The following ROBO2 variants were observed in gnomAD, a reference collection of about 807,000 sequenced individuals.
The protein encoded by ROBO2 is roundabout guidance receptor 2, also known as roundabout homolog 2.
ROBO2 carries 53 observed loss-of-function variants against 160.8 expected under a neutral mutation model. The observed-to-expected ratio is 0.33, with a 90% CI of 0.26 to 0.41. ROBO2 has a LOEUF of 0.41. Ranked by LOEUF, ROBO2 falls within the 10% of genes least tolerant of loss-of-function variation. ROBO2 has a pLI of 1.00. For missense variants in ROBO2, 1,577 were observed against 1,722.4 expected (o/e 0.92, Z 1.49); for synonymous variants, 664 against 611.7 (o/e 1.09, Z -1.26).
chr3:77,146,073 G>A (rs776878916), intron 2 of ROBO2, among the ~76,000 whole-genome samples: 1 of 152,166 alleles, frequency 6.6e-6, no homozygotes, highest in Admixed American at 6.5e-5. Context: ...CTCCCAGCCT[G>A]CTGCCATGTC....
At chr3:76,245,040 G>A (rs1705531623) in intron 2 of ROBO2, among the ~76,000 whole-genome samples, 1 of 147,774 alleles carries the variant, frequency 6.8e-6, no homozygotes, top group African/African-American at 2.5e-5. Flanking sequence ...TGTAAATATT[G>A]TCACTCATAA....
chr3:76,704,187 T>A (rs574797163), intron 2 of ROBO2, among the ~76,000 whole-genome samples: 1 of 152,126 alleles, frequency 6.6e-6, no homozygotes, highest in Admixed American at 6.6e-5. Context: ...TGACACAACT[T>A]CTTCCCTCAT....
chr3:76,969,755 G>T (rs2059482184), intron 2 of ROBO2, among the ~76,000 whole-genome samples: 1 of 151,984 alleles, frequency 6.6e-6, no homozygotes, highest in South Asian at 2.1e-4. Flanking sequence ...GTATAACAAA[G>T]AGGACGATTT....
chr3:75,918,419 C>T (rs1946897654), intron 1 of ROBO2, among the ~76,000 whole-genome samples: 1 of 152,138 alleles, frequency 6.6e-6, no homozygotes, highest in Admixed American at 6.6e-5. Context: ...TAGCACCATG[C>T]TGTTTTGGTT....
chr3:76,254,398 A>G (rs1461908371), intron 2 of ROBO2, among the ~76,000 whole-genome samples: 1 of 152,100 alleles, frequency 6.6e-6, no homozygotes, highest in African/African-American at 2.4e-5. Flanking sequence ...ACACTCCACT[A>G]ATAACTTTTT....
intron 2 of ROBO2, among the ~76,000 whole-genome samples, chr3:76,154,893 C>A (rs1364055478): frequency 6.6e-6 from 1 of 152,060 alleles, no homozygotes; most frequent in Admixed American, 6.6e-5. Flanking sequence ...TGAATTTCTA[C>A]TTTCTGGACA....
intron 2 of ROBO2, among the ~76,000 whole-genome samples, chr3:77,318,384 C>T (rs965452285): frequency 1.3e-5 from 2 of 152,156 alleles, no homozygotes; most frequent in Admixed American, 1.3e-4. Context: ...CAATTCTCAA[C>T]TTCTATTAAT....
intron 2 of ROBO2, among the ~76,000 whole-genome samples, chr3:77,358,230 C>A (rs1281334833): frequency 6.6e-6 from 1 of 152,146 alleles, no homozygotes; most frequent in Non-Finnish European, 1.5e-5. Context: ...TCTTTCCATG[C>A]CTTTTCCTAG....
chr3:76,114,959 C>T (rs950756251), intron 2 of ROBO2, among the ~76,000 whole-genome samples: 1 of 152,028 alleles, frequency 6.6e-6, no homozygotes, highest in African/African-American at 2.4e-5. Flanking sequence ...TTTCATGTGG[C>T]TGATTAAGAT....
chr3:76,243,030 T>C (rs2107522896), intron 2 of ROBO2, among the ~76,000 whole-genome samples: 1 of 152,286 alleles, frequency 6.6e-6, no homozygotes, highest in South Asian at 2.1e-4. Context: ...TACTGGCTCT[T>C]TAAATCTGTA....
At chr3:77,164,535 G>A (rs1206057967) in intron 2 of ROBO2, among the ~76,000 whole-genome samples, 1 of 135,672 alleles carries the variant, frequency 7.4e-6, no homozygotes, top group Non-Finnish European at 1.6e-5. Context: ...GGAGGGAGGT[G>A]GGGGGGTCAG....
At chr3:77,334,330 C>T (rs1339271559) in intron 2 of ROBO2, among the ~76,000 whole-genome samples, 1 of 152,204 alleles carries the variant, frequency 6.6e-6, no homozygotes, top group African/African-American at 2.4e-5. Context: ...ATATCATCTT[C>T]AGTGACATCT....
chr3:76,888,485 T>A lies in ROBO2; in HGVS notation c.110-209529T>A, dbSNP rs146799352. 3.3e-3 allele frequency among the ~76,000 whole-genome samples: 495 copies of A among 152,306 alleles called. 2 individuals carry two copies. The highest frequency in any genetic ancestry group is 0.01 in the African/African-American group (422 of 41,542). ...CTATAAATAGGAATAGATTTATTCTTGCCCATATTGTACCCGTAATAGGCA... is the reference window on the plus strand; with the variant it reads ...CTATAAATAGGAATAGATTTATTCTAGCCCATATTGTACCCGTAATAGGCA... On this transcript the variant is annotated intron_variant, in intron 2 of 26. Coordinates refer to the ROBO2 transcript ENST00000487694.
Position 77,288,635 on chromosome 3 carries a change from G to T in ROBO2, c.389-188779G>T, listed in dbSNP as rs80104216. ...AGCTGAGGAAATTTCCAACATGGCAGATTTTTTTTACAAAACACACCCAAA... is the reference window on the plus strand; with the variant it reads ...AGCTGAGGAAATTTCCAACATGGCATATTTTTTTTACAAAACACACCCAAA... On this transcript the variant is annotated intron_variant, in intron 2 of 25. Transcript: ENST00000461745. Among the ~76,000 whole-genome samples, 315 of 150,776 alleles carry T rather than the reference G, an allele frequency of 2.1e-3. 2 individuals carry two copies. Among genetic ancestry groups the T allele is most frequent in the African/African-American group, 7.6e-3 (304 of 40,132 alleles).
chr3:77,445,803 T>TTTG (rs1553960477), intron 2 of ROBO2, among the ~76,000 whole-genome samples: 3 of 149,934 alleles, frequency 2.0e-5, no homozygotes, highest in African/African-American at 7.3e-5. Context: ...TGTTTTTTTT[T>TTTG]TTTTTTTTGC....
At chr3:76,948,074 A>G (rs1478190998) in intron 2 of ROBO2, among the ~76,000 whole-genome samples, 1 of 152,132 alleles carries the variant, frequency 6.6e-6, no homozygotes, top group Non-Finnish European at 1.5e-5. Context: ...ATTTTAGGTT[A>G]TCTGAAAAGC....
intron 2 of ROBO2, among the ~76,000 whole-genome samples, chr3:77,192,537 A>G (rs1486534518): frequency 6.6e-6 from 1 of 151,964 alleles, no homozygotes; most frequent in East Asian, 1.9e-4. Flanking sequence ...TTAGCTAAAA[A>G]TTGTTTCAGT....
intron 2 of ROBO2, among the ~76,000 whole-genome samples, chr3:76,267,150 C>T (rs2107613920): frequency 6.6e-6 from 1 of 152,310 alleles, no homozygotes; most frequent in Non-Finnish European, 1.5e-5. Flanking sequence ...TTTCCATTTT[C>T]ACAGCATCCT....
chr3:76,538,702 G>C (rs1246544204), intron 2 of ROBO2, among the ~76,000 whole-genome samples: 1 of 152,160 alleles, frequency 6.6e-6, no homozygotes, highest in Non-Finnish European at 1.5e-5. Context: ...ATTGAGCATA[G>C]TACCCAACAG....
Sources: allele counts gnomAD v4.1 joint callset (sites outside exome capture counted in the v4.1 genomes callset), GRCh38; gene constraint gnomAD v4.1.1; transcripts MANE v1.5; gene names NCBI Gene and HGNC (gene_info 2026-07-23, HGNC 2026-07-21).